Variants in EBNA1BP2 observed in about 807,000 individuals in gnomAD.
EBNA1BP2 encodes the protein EBNA1 binding protein 2.
In EBNA1BP2, 36 loss-of-function variants were observed where a neutral mutation model predicts 43.5. That is an observed-to-expected ratio of 0.83 (90% CI 0.63 to 1.09). EBNA1BP2 has a LOEUF of 1.09. Among genes scored for constraint, EBNA1BP2 ranks in the 50% least tolerant of loss-of-function variants. The pLI is 0.00. For missense variants in EBNA1BP2, 332 were observed against 379.1 expected, an observed-to-expected ratio of 0.88 and a Z score of 1.03; for synonymous variants, 127 against 141.3, an observed-to-expected ratio of 0.90 and a Z score of 0.72.
At chr1:43,166,353 A>G (rs1172729720) in intron 7 of EBNA1BP2, among the ~76,000 whole-genome samples, 1 of 152,180 alleles carries the variant, frequency 6.6e-6, no homozygotes, top group Admixed American at 6.5e-5. Flanking sequence ...TCACACCTAT[A>G]ATCCCAGCAC....
intron 7 of EBNA1BP2, among the ~76,000 whole-genome samples, chr1:43,165,013 G>T (rs1429179889): frequency 6.6e-6 from 1 of 152,122 alleles, no homozygotes; most frequent in East Asian, 1.9e-4. Flanking sequence ...TGACCACCAG[G>T]GCAGGAAAAT....
Position 43,168,991 on chromosome 1 carries a change from T to A in EBNA1BP2, c.485A>T (p.Glu162Val). The change falls in exon 5 of 9, where the codon GAG becomes GTG. Residue 162 changes from glutamate (E) to valine (V), a missense_variant. Physicochemically the swap from Glu to Val is moderately radical, Grantham distance 121. This residue lies in a region of EBNA1BP2 where 91 missense variants were observed against 152.1 expected (regional missense o/e 0.60). Coordinates refer to ENST00000236051, the MANE Select transcript of EBNA1BP2 (RefSeq NM_006824.3). ...CAGTTGCTTAGCTTTTTCAGACCTC[T>A]CCATGGCAGCCTGTTTAGTCTGCAG... ...QKLQTKQAAM[E>V]RSEKAKQLRA... The A allele has an allele frequency of 6.2e-7, 1 of 1,614,176 alleles. No homozygotes were observed.
chr1:43,169,888 G>C (rs1226380286), intron 4 of EBNA1BP2, among the ~76,000 whole-genome samples: 1 of 152,092 alleles, frequency 6.6e-6, no homozygotes, highest in Non-Finnish European at 1.5e-5. Flanking sequence ...ACTCTACTGT[G>C]AACTATGCAT....
rs1354996521 is a variant in EBNA1BP2, at chr1:43,168,925, A to G, written c.537+14T>C. On this transcript the variant is annotated intron_variant, in intron 5 of 8. Transcript: ENST00000236051. ...CTCCGCCTCTTCCTGTTCCCTGCAC[A>G]CTTTTCTTCTCACCTTCTTCCCGTA... The G allele has an allele frequency of 6.2e-7, 1 of 1,613,834 alleles. No individual in the cohort carries two copies. Among genetic ancestry groups the G allele is most frequent in the Non-Finnish European group, 8.5e-7 (1 of 1,179,858 alleles).
At chr1:43,164,520 G>C (rs201884003) in intron 8 of EBNA1BP2, 27 bp from the exon 9 acceptor site, 68 of 1,613,924 alleles carry the variant, frequency 4.2e-5, no homozygotes, top group Non-Finnish European at 5.7e-5. Context: ...ACCACATCTG[G>C]TCACATAGCA....
At chr1:43,171,774 T>C (rs754023732) in intron 2 of EBNA1BP2, 112 bp downstream of exon 2, 92 of 1,564,860 alleles carry the variant, frequency 5.9e-5, no homozygotes, top group Non-Finnish European at 5.0e-5. Flanking sequence ...ATTGACCCTC[T>C]TGGCGAGGCG....
chr1:43,170,040 A>G (rs969384612), intron 4 of EBNA1BP2, among the ~76,000 whole-genome samples: 3 of 152,216 alleles, frequency 2.0e-5, no homozygotes, highest in African/African-American at 7.2e-5. Flanking sequence ...ACTAGTCTCT[A>G]GTGCCAGACC....
At chr1:43,167,128 T>C in intron 6 of EBNA1BP2, 32 bp downstream of exon 6, 1 of 1,604,118 alleles carries the variant, frequency 6.2e-7, no homozygotes, top group Admixed American at 1.7e-5. Flanking sequence ...AAGTACCTGC[T>C]ACCCTCGTTC....
At chr1:43,166,438 G>A (rs1644918562) in intron 7 of EBNA1BP2, among the ~76,000 whole-genome samples, 1 of 152,110 alleles carries the variant, frequency 6.6e-6, no homozygotes, top group Non-Finnish European at 1.5e-5. Flanking sequence ...GTGAAACCCT[G>A]TCTCTACTAC....
intron 7 of EBNA1BP2, 41 bp from the exon 8 acceptor site, chr1:43,164,846 A>G: frequency 6.2e-7 from 1 of 1,604,792 alleles, no homozygotes; most frequent in Non-Finnish European, 8.5e-7. Flanking sequence ...AGCACTGTAA[A>G]GCCTGATGAA....
In EBNA1BP2 at chr1:43,164,948, A is replaced by G. The variant is rs1291121624; in HGVS notation, c.708-143T>C. ...CCAGAATCTCATCCTTGGCCCCACA[A>G]TCCTATGCTACAGCCTCTCTAGACA... On this transcript the variant is annotated intron_variant, in intron 7 of 8. Coordinates refer to ENST00000236051, the MANE Select transcript of EBNA1BP2 (RefSeq NM_006824.3). The G allele has an allele frequency of 5.9e-6, 6 of 1,024,916 alleles. No individual in the cohort carries two copies. The East Asian group carries it at 1.0e-4, about 17-fold the overall frequency. The allele number at this position is 1,024,916 out of a possible 1,614,324, so 63.5% of individuals were successfully genotyped here.
At chr1:43,171,343 C>T in intron 3 of EBNA1BP2, 136 bp downstream of exon 3, 1 of 1,087,704 alleles carries the variant, frequency 9.2e-7, no homozygotes, top group Non-Finnish European at 1.2e-6. Flanking sequence ...GAAGAATCTC[C>T]TAGCTATTCT....
Position 43,171,873 on chromosome 1 carries a change from T to G in EBNA1BP2, c.150+13A>C. The G allele has an allele frequency of 1.2e-6, 2 of 1,613,582 alleles. No homozygotes were observed. The highest frequency in any genetic ancestry group is 1.7e-6 in the Non-Finnish European group (2 of 1,179,746). ...CCATGTCCGAGTACCCCCGACCCTG[T>G]GCCCACGCTCACCACGTCGTTCACG... On this transcript the variant is annotated intron_variant, in intron 2 of 8. Transcript: ENST00000236051.
intron 6 of EBNA1BP2, 108 bp from the exon 7 acceptor site, chr1:43,167,027 C>G: frequency 6.7e-7 from 1 of 1,486,256 alleles, no homozygotes; most frequent in South Asian, 1.1e-5. Context: ...GAGTCACATC[C>G]TGCTCTCCAA....
At chr1:43,166,976 A>T (rs1644923068) in intron 6 of EBNA1BP2, 57 bp from the exon 7 acceptor site, 1 of 1,576,868 alleles carries the variant, frequency 6.3e-7, no homozygotes, top group Non-Finnish European at 8.7e-7. Context: ...ATAAAAGTTT[A>T]AACCACCATA....
intron 3 of EBNA1BP2, 95 bp downstream of exon 3, chr1:43,171,384 A>G (rs1235143483): frequency 5.0e-5 from 73 of 1,459,756 alleles, no homozygotes; most frequent in Non-Finnish European, 6.5e-5. Context: ...CTCTACTCCT[A>G]GGCTTATTCT....
chr1:43,171,519 C>T lies in EBNA1BP2; in HGVS notation c.283G>A (p.Ala95Thr), dbSNP rs2124174753. ...APAPQNKDQKAVDPEDDFQRE... is the reference protein window; with the variant it reads ...APAPQNKDQKTVDPEDDFQRE... ...TGGAAGTCGTCTTCTGGATCAACAG[C>T]TTTCTGGTCCTTGTTCTGAGGTGCT... Residue 95 changes from alanine (A) to threonine (T), a missense_variant, in exon 3 of 9, where the codon GCT becomes ACT. This residue lies in a region of EBNA1BP2 where 182 missense variants were observed against 173.7 expected (regional missense o/e 1.05). Transcript: ENST00000236051. 1.2e-6 allele frequency: 2 copies of T among 1,611,920 alleles called. No individual in the cohort carries two copies. The highest frequency in any genetic ancestry group is 8.5e-7 in the Non-Finnish European group (1 of 1,179,452).
chr1:43,168,888 A>G, intron 5 of EBNA1BP2, 51 bp downstream of exon 5: 3 of 1,586,104 alleles, frequency 1.9e-6, no homozygotes. Context: ...CGGCAATCTC[A>G]TCTAACACAC....
At chr1:43,165,830 C>T (rs2124161265) in intron 7 of EBNA1BP2, among the ~76,000 whole-genome samples, 1 of 152,300 alleles carries the variant, frequency 6.6e-6, no homozygotes, top group East Asian at 1.9e-4. Context: ...TTTGCTCGTT[C>T]AAGCTCTTAC....
Sources: gnomAD v4.1 joint callset for allele counts (sites outside exome capture counted in the v4.1 genomes callset) on GRCh38, gnomAD v4.1.1 for gene constraint, gnomAD v4.1.1 regional missense constraint, MANE v1.5 for transcripts, NCBI Gene and HGNC (gene_info 2026-07-23, HGNC 2026-07-21) for gene names.